LIPF: variants seen among roughly 807,000 people sequenced by gnomAD.
The protein encoded by LIPF is lipase F, gastric type.
LIPF carries 25 observed loss-of-function variants against 38.0 expected under a neutral mutation model. The observed-to-expected ratio is 0.66, with a 90% CI of 0.48 to 0.92. LIPF has a LOEUF of 0.92. Among genes scored for constraint, LIPF ranks in the 40% least tolerant of loss-of-function variants. LIPF has a pLI of 0.00. For missense variants in LIPF, 410 were observed against 469.9 expected, an observed-to-expected ratio of 0.87 and a Z score of 1.18; for synonymous variants, 161 against 156.2, an observed-to-expected ratio of 1.03 and a Z score of -0.23.
chr10:88,672,587 CA>C (rs1841615969), intron 6 of LIPF, among the ~76,000 whole-genome samples: 2 of 150,532 alleles, frequency 1.3e-5, no homozygotes, highest in African/African-American at 4.9e-5. Flanking sequence ...TTTTGTTTGA[CA>C]ATGCTTAATA....
chr10:88,675,427 A>C, intron 7 of LIPF, 159 bp from the exon 8 acceptor site: 1 of 600,316 alleles, frequency 1.7e-6, no homozygotes. Context: ...TGCACTTTGC[A>C]AATTCTGAAG....
At chr10:88,667,167 A>T in intron 1 of LIPF, 120 bp from the exon 2 acceptor site, 1 of 569,790 alleles carries the variant, frequency 1.8e-6, no homozygotes, top group Non-Finnish European at 3.1e-6. Context: ...TTATTGCCCA[A>T]TGGAATATAA....
At chr10:88,673,335 T>C (rs1248954883) in intron 6 of LIPF, among the ~76,000 whole-genome samples, 1 of 152,220 alleles carries the variant, frequency 6.6e-6, no homozygotes, top group Non-Finnish European at 1.5e-5. Context: ...TCTTTGTGTC[T>C]TATACTTCCT....
At chr10:88,668,925 AG>A in intron 4 of LIPF, 169 bp downstream of exon 4, 1 of 608,682 alleles carries the variant, frequency 1.6e-6, no homozygotes, top group East Asian at 2.8e-5. Context: ...TTCCTAGGGT[AG>A]CTTTTCCTTC....
In LIPF at chr10:88,678,598, C is replaced by T. The variant is rs760880290; in HGVS notation, c.1114C>T (p.His372Tyr). The change falls in exon 10 of 10, where the codon CAC (histidine) becomes TAC (tyrosine). Residue 372 changes from histidine (H) to tyrosine (Y), a missense_variant. Transcript: ENST00000238983. ...CCACAAGGAGATTCCTTTTTACAAT[C>T]ACTTGGACTTTATCTGGGCAATGGA... ...IYHKEIPFYN[H>Y]LDFIWAMDAP... is the part of the protein sequence containing the mutation. 2 of 1,613,942 alleles carry T rather than the reference C, an allele frequency of 1.2e-6. No individual in the cohort carries two copies. The highest frequency in any genetic ancestry group is 1.7e-6 in the Non-Finnish European group (2 of 1,179,854).
At chr10:88,672,082 G>T (rs1841606730) in intron 6 of LIPF, 117 bp downstream of exon 6, 1 of 982,892 alleles carries the variant, frequency 1.0e-6, no homozygotes, top group African/African-American at 1.7e-5. Flanking sequence ...ATCCAAAAAT[G>T]GAACTGTTCG....
intron 4 of LIPF, chr10:88,669,471 C>T (rs1175445486): frequency 6.0e-6 from 1 of 166,480 alleles, no homozygotes; most frequent in Non-Finnish European, 1.3e-5. Context: ...TTCAAAATAT[C>T]ATGTTGGCTG....
Position 88,667,553 on chromosome 10 carries a change from G to C in LIPF, c.106-16G>C. The C allele has an allele frequency of 7.2e-7, 1 of 1,383,680 alleles. No homozygotes were observed. 85.7% of individuals were successfully genotyped at this position (1,383,680 alleles called of 1,614,324 possible). ...AAAATCAACTAAAATTTAAACTTTT[G>C]GGTTTGCTTCCTCAGAGTCAGATGA... On this transcript the variant is annotated splice_polypyrimidine_tract_variant and intron_variant, in intron 2 of 9. Transcript: ENST00000238983.
intron 9 of LIPF, 50 bp from the exon 10 acceptor site, chr10:88,678,395 G>A: frequency 1.5e-6 from 2 of 1,314,238 alleles, no homozygotes; most frequent in African/African-American, 1.4e-5. Context: ...TAAGTACTGG[G>A]TTTAAAGTGT....
rs183309129 is a variant in LIPF, at chr10:88,674,265, T to C, written c.816+531T>C. On this transcript the variant is annotated intron_variant, in intron 7 of 9. Transcript: ENST00000238983. ...CTCATAGCAAGCTCCGCCTCTTGGG[T>C]TCACGCCATTCTCCTGCCTCAGCCT... Among the ~76,000 whole-genome samples, 5 of 152,220 alleles carry C rather than the reference T, an allele frequency of 3.3e-5. No homozygotes were observed. In the East Asian group the frequency reaches 7.7e-4, roughly 24 times the overall value.
chr10:88,676,057 A>G, intron 8 of LIPF, 152 bp from the exon 9 acceptor site: 1 of 568,150 alleles, frequency 1.8e-6, no homozygotes, highest in South Asian at 2.6e-5. Context: ...TTACATAAAT[A>G]CCTTGTCCTA....
At chr10:88,665,408 A>G (rs1841495974) in intron 1 of LIPF, 1 of 682,218 alleles carries the variant, frequency 1.5e-6, no homozygotes, top group South Asian at 1.6e-5. Context: ...CATTTCACGT[A>G]TACCATGTTG....
chr10:88,678,532 G>A lies in LIPF; in HGVS notation c.1048G>A (p.Asp350Asn), dbSNP rs768207904. 1.9e-6 allele frequency: 3 copies of A among 1,613,900 alleles called. No homozygotes were observed. Among genetic ancestry groups the A allele is most frequent in the Non-Finnish European group, 2.5e-6 (3 of 1,179,964 alleles). The change falls in exon 10 of 10, where the codon GAT (aspartate) becomes AAT (asparagine). Residue 350 changes from aspartate (D) to asparagine (N), a missense_variant. Asp to Asn is a conservative substitution (Grantham distance 23). Coordinates refer to ENST00000238983, the MANE Select transcript of LIPF (RefSeq NM_004190.4). ...GGKDLLADPQ[D>N]VGLLLPKLPN... ...CAAGGACCTGTTGGCTGACCCCCAA[G>A]ATGTTGGCCTTTTGCTTCCAAAACT... is the stretch of plus-strand genomic sequence containing the variant.
At chr10:88,674,615 C>T (rs1234613722) in intron 7 of LIPF, among the ~76,000 whole-genome samples, 3 of 152,192 alleles carry the variant, frequency 2.0e-5, no homozygotes, top group Admixed American at 6.5e-5. Context: ...CTGACTTAAA[C>T]GTCTCTGTCT....
Position 88,664,501 on chromosome 10 carries a change from A to G in LIPF, c.-12+10A>G, listed in dbSNP as rs1841483841. On this transcript the variant is annotated intron_variant, in intron 1 of 9. Coordinates refer to ENST00000238983, the MANE Select transcript of LIPF (RefSeq NM_004190.4). ...TATTTCTGAGGAAACTGTAAGTAGAACTTCTGCTGAACAAAATTGTTATTT... is the reference window on the plus strand; with the variant it reads ...TATTTCTGAGGAAACTGTAAGTAGAGCTTCTGCTGAACAAAATTGTTATTT... The G allele has an allele frequency of 6.5e-6, 1 of 152,744 alleles. No individual in the cohort carries two copies. The highest frequency in any genetic ancestry group is 1.5e-5 in the Non-Finnish European group (1 of 68,048). The allele number at this position is 152,744 out of a possible 1,614,324, so 9.5% of individuals were successfully genotyped here.
chr10:88,667,459 A>T (rs1245987837), intron 2 of LIPF, 57 bp downstream of exon 2: 46 of 1,129,974 alleles, frequency 4.1e-5, no homozygotes, highest in Non-Finnish European at 6.1e-5. Flanking sequence ...ATTTAAAATC[A>T]TAATGAGTTA....
intron 6 of LIPF, among the ~76,000 whole-genome samples, chr10:88,672,662 A>T (rs1402505175): frequency 1.6e-3 from 198 of 126,088 alleles, no homozygotes; most frequent in Middle Eastern, 0.013. Flanking sequence ...ACACACACAC[A>T]CACACACACT....
intron 8 of LIPF, 125 bp downstream of exon 8, chr10:88,675,782 C>A: frequency 3.5e-6 from 2 of 565,020 alleles, no homozygotes; most frequent in East Asian, 3.0e-5. Context: ...GCACTGACTA[C>A]CATACAAAAA....
At chr10:88,665,426 A>C (rs927263963) in intron 1 of LIPF, 2 of 751,188 alleles carry the variant, frequency 2.7e-6, no homozygotes, top group African/African-American at 3.4e-5. Context: ...TTGAACACAC[A>C]GTACAGCACA....
Sources: gnomAD v4.1 joint callset for allele counts (sites outside exome capture counted in the v4.1 genomes callset) on GRCh38, gnomAD v4.1.1 for gene constraint, MANE v1.5 for transcripts, NCBI Gene and HGNC (gene_info 2026-07-23, HGNC 2026-07-21) for gene names.